KCTD16: variants seen among roughly 807,000 people sequenced by gnomAD.
KCTD16 encodes the protein potassium channel tetramerization domain containing 16.
A neutral mutation model predicts 33.2 loss-of-function variants in KCTD16; 13 were observed. The ratio of observed to expected loss-of-function variants is 0.39; its 90% CI spans 0.25 to 0.62. The LOEUF is 0.62. Ranked by LOEUF, KCTD16 falls within the 20% of genes least tolerant of loss-of-function variation. The probability of loss-of-function intolerance (pLI) is 0.50; values close to 1 mark genes in which losing one functional copy is unlikely to be tolerated. For synonymous variants in KCTD16, 197 were observed against 195.3 expected (o/e 1.01, Z -0.07); for missense variants, 441 against 525.1 (o/e 0.84, Z 1.57).
At chr5:144,335,857 GA>G (rs1752477596) in intron 3 of KCTD16, among the ~76,000 whole-genome samples, 1 of 152,220 alleles carries the variant, frequency 6.6e-6, no homozygotes, top group South Asian at 2.1e-4. Flanking sequence ...GCCAGATCAT[GA>G]AGAGTCATGC....
At chr5:144,327,188 A>G (rs1752231447) in intron 3 of KCTD16, among the ~76,000 whole-genome samples, 1 of 152,164 alleles carries the variant, frequency 6.6e-6, no homozygotes, top group Non-Finnish European at 1.5e-5. Context: ...AGGCTACATA[A>G]TATTGGTGGC....
At chr5:144,299,148 ATTT>A (rs369343270) in intron 3 of KCTD16, among the ~76,000 whole-genome samples, 208 of 13,952 alleles carry the variant, frequency 0.015, 7 homozygotes, top group East Asian at 0.087. Flanking sequence ...ATATATATAT[ATTT>A]TTTTTTTTTT....
chr5:144,338,246 C>T (rs1158532566), intron 3 of KCTD16, among the ~76,000 whole-genome samples: 1 of 152,070 alleles, frequency 6.6e-6, no homozygotes, highest in African/African-American at 2.4e-5. Context: ...AATGAGTCCT[C>T]CAGAGGCATT....
intron 3 of KCTD16, among the ~76,000 whole-genome samples, chr5:144,337,491 G>T (rs1350233695): frequency 3.3e-5 from 5 of 152,116 alleles, no homozygotes; most frequent in African/African-American, 1.2e-4. Context: ...TTGGTAGGAA[G>T]CATAAACATT....
chr5:144,429,483 T>C (rs1048501816), intron 3 of KCTD16, among the ~76,000 whole-genome samples: 4 of 152,092 alleles, frequency 2.6e-5, no homozygotes, highest in African/African-American at 9.7e-5. Flanking sequence ...GAATTTTCTC[T>C]GAGAGCTCAA....
At chr5:144,419,552 G>A (rs1753162259) in intron 3 of KCTD16, among the ~76,000 whole-genome samples, 1 of 152,128 alleles carries the variant, frequency 6.6e-6, no homozygotes. Flanking sequence ...CTCTTCTGCT[G>A]CTGGAGGCAG....
At chr5:144,382,398 A>T (rs1165402075) in intron 3 of KCTD16, among the ~76,000 whole-genome samples, 1 of 152,164 alleles carries the variant, frequency 6.6e-6, no homozygotes, top group East Asian at 1.9e-4. Context: ...TTGAAAAAAG[A>T]TTTTAAAATA....
chr5:144,189,619 G>T (rs534895026), intron 2 of KCTD16, among the ~76,000 whole-genome samples: 1 of 152,256 alleles, frequency 6.6e-6, no homozygotes, highest in African/African-American at 2.4e-5. Context: ...AAGAATGGAG[G>T]CTTAAAGCAA....
At chr5:144,337,705 C>T (rs1331227944) in intron 3 of KCTD16, among the ~76,000 whole-genome samples, 1 of 152,144 alleles carries the variant, frequency 6.6e-6, no homozygotes, top group Non-Finnish European at 1.5e-5. Flanking sequence ...ATGTTCTTTA[C>T]TCAACTCTCG....
intron 1 of KCTD16, among the ~76,000 whole-genome samples, chr5:144,172,716 T>C (rs1303448279): frequency 2.6e-5 from 4 of 152,216 alleles, no homozygotes; most frequent in Non-Finnish European, 1.5e-5. Flanking sequence ...TTAATGTTGC[T>C]CCCTTTTACT....
Position 144,404,684 on chromosome 5 carries a change from C to A in KCTD16, c.833-68976C>A, listed in dbSNP as rs1752774179. 3.3e-5 allele frequency among the ~76,000 whole-genome samples: 5 copies of A among 152,154 alleles called. No individual in the cohort carries two copies. The South Asian group carries it at 8.3e-4, about 25-fold the overall frequency. On this transcript the variant is annotated intron_variant, in intron 3 of 3. Coordinates refer to ENST00000512467, the MANE Select transcript of KCTD16 (RefSeq NM_020768.4). ...CTCCCTCTTCATTGAGAAGCCAGAA[C>A]AGAGAATTTGGGCTCATGGCATGTT... is the stretch of plus-strand genomic sequence containing the variant.
chr5:144,381,903 C>G (rs1291441733), intron 3 of KCTD16, among the ~76,000 whole-genome samples: 1 of 152,158 alleles, frequency 6.6e-6, no homozygotes, highest in African/African-American at 2.4e-5. Context: ...ATAAATAATT[C>G]TTCTAAGAAG....
intron 3 of KCTD16, among the ~76,000 whole-genome samples, chr5:144,354,246 C>G (rs1193346117): frequency 6.6e-6 from 1 of 152,010 alleles, no homozygotes; most frequent in Non-Finnish European, 1.5e-5. Flanking sequence ...ATCTACCCAA[C>G]TATAAGAACT....
chr5:144,330,353 C>T (rs768982127), intron 3 of KCTD16, among the ~76,000 whole-genome samples: 7 of 140,718 alleles, frequency 5.0e-5, no homozygotes, highest in South Asian at 2.3e-4. Context: ...GCAGAGGTTG[C>T]GGTGAGCCGA....
chr5:144,252,972 T>C (rs1754743814), intron 3 of KCTD16, among the ~76,000 whole-genome samples: 1 of 151,858 alleles, frequency 6.6e-6, no homozygotes, highest in Non-Finnish European at 1.5e-5. Flanking sequence ...AGTAGCTCTT[T>C]TGGATTTCCA....
intron 3 of KCTD16, among the ~76,000 whole-genome samples, chr5:144,330,411 CAAAAAAAAAA>C (rs10577099): frequency 1.1e-5 from 1 of 87,412 alleles, no homozygotes. Context: ...GAAACTCCAT[CAAAAAAAAAA>C]AAAAAAAAAA....
intron 3 of KCTD16, among the ~76,000 whole-genome samples, chr5:144,321,533 G>A (rs1752074521): frequency 6.6e-6 from 1 of 152,150 alleles, no homozygotes; most frequent in Admixed American, 6.5e-5. Flanking sequence ...CTGCTTGGCT[G>A]TTTAAAACCG....
In KCTD16 at chr5:144,170,910, A is replaced by G. The variant is rs1434028094; in HGVS notation, c.-592A>G. 6.6e-6 allele frequency: 1 copy of G among 152,290 alleles called. No individual in the cohort carries two copies. Among genetic ancestry groups the G allele is most frequent in the African/African-American group, 2.4e-5 (1 of 41,432 alleles). The allele number at this position is 152,290 out of a possible 1,614,324, so 9.4% of individuals were successfully genotyped here. ...TGGAGGAAGACTGGGAGGCGCTAAA[A>G]TGAGACAGACGGAGTCCCCTCTCCT... On this transcript the variant is annotated 5_prime_UTR_variant, in exon 1 of 4. The change abolishes an upstream ATG in the 5' untranslated region. Coordinates refer to ENST00000512467, the MANE Select transcript of KCTD16 (RefSeq NM_020768.4).
chr5:144,255,912 C>A (rs1030720966), intron 3 of KCTD16, among the ~76,000 whole-genome samples: 3 of 152,206 alleles, frequency 2.0e-5, no homozygotes, highest in African/African-American at 7.2e-5. Flanking sequence ...AATTAAGTGA[C>A]TAGTTGAGAT....
Sources: allele counts gnomAD v4.1 joint callset (sites outside exome capture counted in the v4.1 genomes callset), GRCh38; gene constraint gnomAD v4.1.1; transcripts MANE v1.5; gene names NCBI Gene and HGNC (gene_info 2026-07-23, HGNC 2026-07-21).